Variants in CNTN5 observed in about 807,000 individuals in gnomAD.
The protein encoded by CNTN5 is contactin-5.
In CNTN5, 77 loss-of-function variants were observed where a neutral mutation model predicts 129.1. The observed-to-expected ratio is 0.60, with a 90% CI of 0.50 to 0.72. CNTN5 has a LOEUF of 0.72. CNTN5 is among the 30% of genes least tolerant of loss of function. CNTN5 has a pLI of 0.00. For synonymous variants in CNTN5, 509 were observed against 465.6 expected (o/e 1.09, Z -1.20); for missense variants, 1,478 against 1,328.8 (o/e 1.11, Z -1.75).
chr11:100,309,708 G>T, intron 21 of CNTN5: 17 of 984,818 alleles, frequency 1.7e-5, no homozygotes, highest in Non-Finnish European at 2.0e-5. Flanking sequence ...ATAAATGTTT[G>T]TGTGGCACAA....
At chr11:99,759,275 GA>G in intron 3 of CNTN5, among the ~76,000 whole-genome samples, 1 of 152,128 alleles carries the variant, frequency 6.6e-6, no homozygotes, top group South Asian at 2.1e-4. Flanking sequence ...GAAACACTTA[GA>G]AATTTTTACA....
chr11:100,059,088 T>C (rs913853120), intron 9 of CNTN5, among the ~76,000 whole-genome samples: 6 of 152,174 alleles, frequency 3.9e-5, no homozygotes, highest in African/African-American at 7.2e-5. Flanking sequence ...TGGAACAGAA[T>C]TGAGAAGCCT....
intron 1 of CNTN5, among the ~76,000 whole-genome samples, chr11:99,137,271 A>G (rs945574820): frequency 2.6e-5 from 4 of 152,188 alleles, no homozygotes; most frequent in Admixed American, 6.5e-5. Flanking sequence ...ATTTAAGCAA[A>G]GGAAATAGTC....
rs375209490 is a variant in CNTN5 at position 99,427,582 on chromosome 11, C to T, written c.-71+102098C>T. 2.6e-3 allele frequency among the ~76,000 whole-genome samples: 387 copies of T among 151,670 alleles called. 3 individuals carry two copies. The highest frequency in any genetic ancestry group is 8.5e-3 in the African/African-American group (350 of 41,396). ...GAGATTGAGACCATCTTGGCTAACA[C>T]GGTAAAACCCTGTCTCTACTAAAAA... On this transcript the variant is annotated intron_variant, in intron 2 of 24. Transcript: ENST00000524871.
At chr11:99,730,179 ATTAAATATGACC>A (rs1943484084) in intron 3 of CNTN5, among the ~76,000 whole-genome samples, 1 of 152,186 alleles carries the variant, frequency 6.6e-6, no homozygotes, top group African/African-American at 2.4e-5. Flanking sequence ...ATTAAACAGA[ATTAAATATGACC>A]TAGCTGCTGT....
intron 4 of CNTN5, among the ~76,000 whole-genome samples, chr11:99,834,522 AG>A (rs1947242763): frequency 6.6e-6 from 1 of 152,158 alleles, no homozygotes; most frequent in South Asian, 2.1e-4. Flanking sequence ...TTTCAAGAAA[AG>A]AAAAGACCAA....
intron 3 of CNTN5, among the ~76,000 whole-genome samples, chr11:99,755,902 A>T (rs1349431446): frequency 6.6e-6 from 1 of 152,060 alleles, no homozygotes; most frequent in Non-Finnish European, 1.5e-5. Context: ...AAGCTGGCAA[A>T]CTCATTTAGA....
At chr11:99,106,422 C>A (rs1401296485) in intron 1 of CNTN5, among the ~76,000 whole-genome samples, 2 of 151,616 alleles carry the variant, frequency 1.3e-5, no homozygotes, top group Admixed American at 1.3e-4. Flanking sequence ...AATATGTGAA[C>A]AAATTTTGTT....
At chr11:99,876,944 TTTATTC>T (rs1948647660) in intron 6 of CNTN5, among the ~76,000 whole-genome samples, 1 of 152,256 alleles carries the variant, frequency 6.6e-6, no homozygotes, top group African/African-American at 2.4e-5. Context: ...CTCAGTTTCT[TTTATTC>T]TTTTATTCTT....
In CNTN5 at chr11:100,220,623, A is replaced by G. The variant is rs547537244; in HGVS notation, c.1885-4069A>G. Among the ~76,000 whole-genome samples the G allele has an allele frequency of 2.6e-5, 4 of 152,264 alleles. No homozygotes were observed. The South Asian group carries it at 8.3e-4, about 32-fold the overall frequency. ...AAACCTTCCTCTTGGCTAAGAGTGC[A>G]ATTATAGTGCCCTTCAACAGATAAA... On this transcript the variant is annotated intron_variant, in intron 15 of 24. Coordinates refer to ENST00000524871, the MANE Select transcript of CNTN5 (RefSeq NM_014361.4).
intron 13 of CNTN5, among the ~76,000 whole-genome samples, chr11:100,082,198 A>T (rs1944392260): frequency 6.6e-6 from 1 of 152,206 alleles, no homozygotes; most frequent in African/African-American, 2.4e-5. Context: ...ATTCTAAATC[A>T]TGGTGGCAAC....
intron 1 of CNTN5, among the ~76,000 whole-genome samples, chr11:99,183,879 TG>T (rs1432827724): frequency 6.6e-6 from 1 of 152,162 alleles, no homozygotes. Flanking sequence ...AATTTGTTTC[TG>T]TATTTTAATA....
At chr11:100,067,774 A>T (rs1444551806) in intron 10 of CNTN5, among the ~76,000 whole-genome samples, 2 of 152,080 alleles carry the variant, frequency 1.3e-5, no homozygotes, top group African/African-American at 4.8e-5. Flanking sequence ...GCAAACAGAT[A>T]TGATAGCACA....
chr11:99,780,202 A>C (rs2585886), intron 3 of CNTN5, among the ~76,000 whole-genome samples: 86,539 of 151,770 alleles, frequency 0.57, 25,187 homozygotes, highest in East Asian at 0.71. Context: ...AGATTAATTA[A>C]GCCTTTTGCA....
intron 1 of CNTN5, among the ~76,000 whole-genome samples, chr11:99,052,023 TAAAC>T (rs1565278200): frequency 6.6e-6 from 1 of 151,756 alleles, no homozygotes; most frequent in East Asian, 1.9e-4. Flanking sequence ...GAAAATACAA[TAAAC>T]AAAGGCACAG....
chr11:100,101,111 C>A (rs1442724759), intron 13 of CNTN5, among the ~76,000 whole-genome samples: 2 of 151,978 alleles, frequency 1.3e-5, no homozygotes, highest in African/African-American at 4.8e-5. Flanking sequence ...CGGTATGTTC[C>A]TGTAATAGTG....
chr11:99,945,556 C>T (rs886296771), intron 7 of CNTN5, among the ~76,000 whole-genome samples: 5 of 150,854 alleles, frequency 3.3e-5, no homozygotes, highest in Non-Finnish European at 7.4e-5. Flanking sequence ...ATTTTGAGCA[C>T]TTACTATATA....
chr11:99,621,118 C>CTTATTGTAAGGGCACTTAT (rs1950936403), intron 3 of CNTN5, among the ~76,000 whole-genome samples: 1 of 152,040 alleles, frequency 6.6e-6, no homozygotes. Flanking sequence ...TGTAAGGGCC[C>CTTATTGTAAGGGCACTTAT]TGATAGGAGT....
intron 3 of CNTN5, among the ~76,000 whole-genome samples, chr11:99,588,343 CAAAAAAAAAA>C (rs149362368): frequency 1.1e-4 from 10 of 93,026 alleles, no homozygotes; most frequent in African/African-American, 3.7e-4. Flanking sequence ...GACTCCTTCT[CAAAAAAAAAA>C]AAAAAAAAAA....
Sources: gnomAD v4.1 joint callset for allele counts (sites outside exome capture counted in the v4.1 genomes callset) on GRCh38, gnomAD v4.1.1 for gene constraint, MANE v1.5 for transcripts, NCBI Gene and HGNC (gene_info 2026-07-23, HGNC 2026-07-21) for gene names.